The following TNFSF4 variants were observed in gnomAD, a reference collection of about 807,000 sequenced individuals.
TNFSF4 encodes the protein tumor necrosis factor ligand superfamily member 4.
A neutral mutation model predicts 7.3 loss-of-function variants in TNFSF4; 4 were observed. The observed-to-expected ratio is 0.55, with a 90% CI of 0.27 to 1.25. The LOEUF (loss-of-function observed/expected upper bound fraction) is 1.25, where lower values mean the gene tolerates loss of function less well. Ranked by LOEUF, TNFSF4 falls within the 50% of genes most tolerant of loss-of-function variation. The probability of loss-of-function intolerance (pLI) is 0.12; values close to 1 mark genes in which losing one functional copy is unlikely to be tolerated. For missense variants in TNFSF4, 181 were observed against 208.8 expected (o/e 0.87, Z 0.82); for synonymous variants, 76 against 83.7 (o/e 0.91, Z 0.50).
At chr1:173,283,476 G>A in the TNFSF4 span, among the ~76,000 whole-genome samples, 3 of 152,104 alleles carry the variant, frequency 2.0e-5, no homozygotes, top group Non-Finnish European at 4.4e-5. Flanking sequence ...AGGTGAAATG[G>A]TCTCAGTTTG....
chr1:173,242,463 G>A, the TNFSF4 span, among the ~76,000 whole-genome samples: 1 of 152,156 alleles, frequency 6.6e-6, no homozygotes, highest in African/African-American at 2.4e-5. Flanking sequence ...ATTTTGCTTT[G>A]AGTAAAAGAA....
chr1:173,232,629 T>G, the TNFSF4 span, among the ~76,000 whole-genome samples: 2 of 152,204 alleles, frequency 1.3e-5, no homozygotes, highest in African/African-American at 4.8e-5. Flanking sequence ...TATTATTATT[T>G]TGAGATACGT....
the TNFSF4 span, among the ~76,000 whole-genome samples, chr1:173,223,390 T>C: frequency 1.3e-5 from 2 of 152,308 alleles, no homozygotes; most frequent in Admixed American, 6.5e-5. Context: ...TTTCAATTCA[T>C]TTCTATTGCT....
At chr1:173,402,110 T>C in the TNFSF4 span, among the ~76,000 whole-genome samples, 1 of 152,206 alleles carries the variant, frequency 6.6e-6, no homozygotes, top group Non-Finnish European at 1.5e-5. Flanking sequence ...CTCAGAAACT[T>C]TCTATTGGGA....
chr1:173,245,951 A>G, the TNFSF4 span, among the ~76,000 whole-genome samples: 4 of 152,148 alleles, frequency 2.6e-5, no homozygotes, highest in Non-Finnish European at 5.9e-5. Flanking sequence ...TATTCCATTG[A>G]GTTTTTGTAC....
At chr1:173,436,966 G>A in the TNFSF4 span, among the ~76,000 whole-genome samples, 1 of 152,198 alleles carries the variant, frequency 6.6e-6, no homozygotes, top group Non-Finnish European at 1.5e-5. Flanking sequence ...AGCGTGTTAT[G>A]AGTATCTTTG....
At chr1:173,245,568 T>C in the TNFSF4 span, among the ~76,000 whole-genome samples, 1 of 152,234 alleles carries the variant, frequency 6.6e-6, no homozygotes, top group Middle Eastern at 3.2e-3. Flanking sequence ...TATCCATTAC[T>C]GCATATGTTT....
At chr1:173,190,265 C>T (rs1238962744) in intron 1 of TNFSF4, among the ~76,000 whole-genome samples, 1 of 152,154 alleles carries the variant, frequency 6.6e-6, no homozygotes, top group Non-Finnish European at 1.5e-5. Flanking sequence ...CTTATTTTGG[C>T]ATGACGTCCT....
chr1:173,179,292 G>A (rs916318699), downstream of TNFSF4, among the ~76,000 whole-genome samples: 1 of 152,194 alleles, frequency 6.6e-6, no homozygotes, highest in African/African-American at 2.4e-5. Flanking sequence ...CAGAAGATCA[G>A]GAGCAATGGG....
chr1:173,305,336 T>C, the TNFSF4 span, among the ~76,000 whole-genome samples: 1 of 151,926 alleles, frequency 6.6e-6, no homozygotes, highest in Admixed American at 6.6e-5. Context: ...ATCTAGCACC[T>C]AAAATAATAT....
the TNFSF4 span, among the ~76,000 whole-genome samples, chr1:173,321,092 C>T: frequency 3.3e-5 from 5 of 152,178 alleles, no homozygotes; most frequent in African/African-American, 9.7e-5. Context: ...TACAAGGCTA[C>T]AGTAACCAAA....
the TNFSF4 span, chr1:173,417,806 T>C: frequency 6.6e-6 from 1 of 152,258 alleles, no homozygotes; most frequent in African/African-American, 2.4e-5. Context: ...GAAATTCTAC[T>C]ATTTCAGCTT....
the TNFSF4 span, among the ~76,000 whole-genome samples, chr1:173,248,287 G>T: frequency 6.6e-6 from 1 of 151,854 alleles, no homozygotes; most frequent in Non-Finnish European, 1.5e-5. Flanking sequence ...AACCTGGGAG[G>T]CGGAGGTTAC....
At chr1:173,351,862 T>C in the TNFSF4 span, 1 of 596,582 alleles carries the variant, frequency 1.7e-6, no homozygotes, top group Admixed American at 2.1e-5. Flanking sequence ...ACTGTCCATG[T>C]AGGCATTCAC....
the TNFSF4 span, among the ~76,000 whole-genome samples, chr1:173,274,264 G>A: frequency 1.8e-4 from 27 of 152,036 alleles, no homozygotes; most frequent in Admixed American, 1.3e-3. Flanking sequence ...AATAAAGATC[G>A]AAGTTATTTA....
chr1:173,270,005 G>A, the TNFSF4 span, among the ~76,000 whole-genome samples: 1 of 152,090 alleles, frequency 6.6e-6, no homozygotes, highest in Non-Finnish European at 1.5e-5. Flanking sequence ...CTAAGAAGGG[G>A]TCAGACTGTG....
At chr1:173,173,265 T>A in the TNFSF4 span, among the ~76,000 whole-genome samples, 2 of 152,184 alleles carry the variant, frequency 1.3e-5, no homozygotes, top group Admixed American at 6.5e-5. Flanking sequence ...TTCCCAACAG[T>A]TCCCCAAAGT....
the TNFSF4 span, among the ~76,000 whole-genome samples, chr1:173,300,121 AG>A: frequency 6.7e-6 from 1 of 148,448 alleles, no homozygotes; most frequent in African/African-American, 2.5e-5. Context: ...ATAGATAGAT[AG>A]ATAGATAGAT....
the TNFSF4 span, among the ~76,000 whole-genome samples, chr1:173,243,904 C>T: frequency 6.6e-6 from 1 of 152,282 alleles, no homozygotes; most frequent in South Asian, 2.1e-4. Flanking sequence ...TTAATCATTG[C>T]TCTGTCACCT....
Sources: gnomAD v4.1 joint callset for allele counts (sites outside exome capture counted in the v4.1 genomes callset) on GRCh38, gnomAD v4.1.1 for gene constraint, MANE v1.5 for transcripts, NCBI Gene and HGNC (gene_info 2026-07-23, HGNC 2026-07-21) for gene names.